CACNA2D2: variants seen among roughly 807,000 people sequenced by gnomAD.
CACNA2D2 encodes the protein voltage-dependent calcium channel subunit alpha-2/delta-2.
A neutral mutation model predicts 166.4 loss-of-function variants in CACNA2D2; 48 were observed. That is an observed-to-expected ratio of 0.29 (90% confidence interval 0.23 to 0.37). CACNA2D2 has a LOEUF of 0.37. Ranked by LOEUF, CACNA2D2 falls within the 10% of genes least tolerant of loss-of-function variation. CACNA2D2 has a pLI of 1.00. For synonymous variants in CACNA2D2, 561 were observed against 573.7 expected, an observed-to-expected ratio of 0.98 and a Z score of 0.32; for missense variants, 1,122 against 1,433.0, an observed-to-expected ratio of 0.78 and a Z score of 3.50.
At chr3:50,437,143 G>A (rs2236974) in intron 2 of CACNA2D2, among the ~76,000 whole-genome samples, 18,302 of 152,114 alleles carry the variant, frequency 0.12, 1,267 homozygotes, top group East Asian at 0.25. Context: ...ATGAGCCCTC[G>A]GGGCCCAGGG....
chr3:50,387,248 A>AGCT (rs1390257889), intron 5 of CACNA2D2, among the ~76,000 whole-genome samples: 6 of 152,150 alleles, frequency 3.9e-5, no homozygotes, highest in Non-Finnish European at 8.8e-5. Flanking sequence ...AAGCCTTCCC[A>AGCT]GCTGCTCCCT....
chr3:50,420,559 G>T (rs1450286767), intron 3 of CACNA2D2, among the ~76,000 whole-genome samples: 1 of 152,220 alleles, frequency 6.6e-6, no homozygotes, highest in Non-Finnish European at 1.5e-5. Flanking sequence ...CATACCCTGT[G>T]CATAGTCCAC....
chr3:50,480,004 T>C (rs1046630501), intron 1 of CACNA2D2, among the ~76,000 whole-genome samples: 3 of 152,162 alleles, frequency 2.0e-5, no homozygotes, highest in African/African-American at 7.2e-5. Context: ...GGGGCTGCAG[T>C]GGCTTAATGA....
chr3:50,477,563 A>G (rs1369360724), intron 1 of CACNA2D2, among the ~76,000 whole-genome samples: 1 of 152,194 alleles, frequency 6.6e-6, no homozygotes, highest in Admixed American at 6.5e-5. Context: ...ACACAGAACC[A>G]CAAAGGTGCT....
chr3:50,415,245 G>A (rs1010333715), intron 3 of CACNA2D2, among the ~76,000 whole-genome samples: 1 of 152,246 alleles, frequency 6.6e-6, no homozygotes, highest in Non-Finnish European at 1.5e-5. Flanking sequence ...CAGAGAAGCA[G>A]TGTCCTGGGT....
At position 50,373,618 on chromosome 3, in the gene CACNA2D2, G is replaced by A. The variant is rs1362787377; in HGVS notation, c.1984+1119C>T. 3.4e-4 allele frequency among the ~76,000 whole-genome samples: 30 copies of A among 87,668 alleles called. 1 individual carries two copies. Among genetic ancestry groups the A allele is most frequent in the Non-Finnish European group, 5.7e-4 (27 of 47,436 alleles). 57.5% of individuals were successfully genotyped at this position (87,668 alleles called of 152,430 possible). On this transcript the variant is annotated intron_variant, in intron 22 of 37. Coordinates refer to ENST00000424201, the MANE Select transcript of CACNA2D2 (RefSeq NM_006030.4). ...AGGGAGTGTGGGGAGTGGGACTGAA[G>A]GGGGGGGGGTGCTGGGGTGGGGAGA... is the stretch of plus-strand genomic sequence containing the variant.
At chr3:50,464,322 C>T (rs2107025299) in intron 2 of CACNA2D2, among the ~76,000 whole-genome samples, 1 of 152,340 alleles carries the variant, frequency 6.6e-6, no homozygotes, top group East Asian at 1.9e-4. Context: ...TTGCCTAGGG[C>T]ATCTAAGGCT....
chr3:50,488,467 T>C (rs1698383854), intron 1 of CACNA2D2, among the ~76,000 whole-genome samples: 3 of 152,068 alleles, frequency 2.0e-5, no homozygotes, highest in Admixed American at 6.5e-5. Context: ...ATCCTGACAC[T>C]GCCCTGTACT....
intron 3 of CACNA2D2, among the ~76,000 whole-genome samples, chr3:50,410,070 T>C (rs1480873873): frequency 1.3e-5 from 2 of 152,198 alleles, no homozygotes; most frequent in East Asian, 3.9e-4. Flanking sequence ...AGAACCCTCT[T>C]CTACCTGTGG....
Position 50,364,318 on chromosome 3 carries a change from C to T in CACNA2D2, c.*348G>A, listed in dbSNP as rs907697129. On this transcript the variant is annotated 3_prime_UTR_variant, in exon 38 of 38. Coordinates refer to ENST00000424201, the MANE Select transcript of CACNA2D2 (RefSeq NM_006030.4). ...GGCCGGGTCAGCTGAGGCAGGGTCC[C>T]CCCCAACATAGGCAGCCTCCAGGAA... 5.4e-5 allele frequency: 16 copies of T among 298,952 alleles called. No individual in the cohort carries two copies. The highest frequency in any genetic ancestry group is 1.8e-4 in the East Asian group (3 of 16,866). The allele number at this position is 298,952 out of a possible 1,614,324, so 18.5% of individuals were successfully genotyped here. A position where few individuals can be genotyped will look rare whatever the true frequency, so the allele number is the denominator to read the frequency against.
At chr3:50,444,739 A>G (rs565791627) in intron 2 of CACNA2D2, among the ~76,000 whole-genome samples, 2 of 152,354 alleles carry the variant, frequency 1.3e-5, no homozygotes, top group African/African-American at 4.8e-5. Context: ...TCTTGTGAAA[A>G]CATGAGATCT....
intron 2 of CACNA2D2, among the ~76,000 whole-genome samples, chr3:50,470,865 C>T (rs934755091): frequency 4.6e-5 from 7 of 152,226 alleles, no homozygotes; most frequent in African/African-American, 1.4e-4. Context: ...GCTCGAGCAG[C>T]GGCCTCACCA....
chr3:50,366,427 G>T lies in CACNA2D2; in HGVS notation c.2638-89C>A. The T allele has an allele frequency of 1.4e-6, 2 of 1,476,286 alleles. No homozygotes were observed. The highest frequency in any genetic ancestry group is 1.9e-6 in the Non-Finnish European group (2 of 1,055,480). The allele number at this position is 1,476,286 out of a possible 1,614,324, so 91.4% of individuals were successfully genotyped here. ...CAGTCCAGTGGTTCAGAGTTGGGGG[G>T]CATCACTCCCCCAGTCCTGGGAAGG... is the stretch of plus-strand genomic sequence containing the variant. On this transcript the variant is annotated intron_variant, in intron 30 of 37. Transcript: ENST00000424201. This position sits in a 1 kb window ranked among gnomAD's most constrained non-coding sequence, Gnocchi z 5.9.
intron 1 of CACNA2D2, among the ~76,000 whole-genome samples, chr3:50,478,279 C>T (rs1483228027): frequency 5.9e-5 from 9 of 152,188 alleles, no homozygotes; most frequent in Admixed American, 1.3e-4. Context: ...GACCCCTGGC[C>T]CCTGTCCACC....
chr3:50,410,485 G>T (rs530108717), intron 3 of CACNA2D2, among the ~76,000 whole-genome samples: 7 of 152,138 alleles, frequency 4.6e-5, no homozygotes, highest in East Asian at 1.9e-4. Flanking sequence ...TGGGATGGGG[G>T]GGGGGGTGTT....
intron 3 of CACNA2D2, among the ~76,000 whole-genome samples, chr3:50,424,802 A>C (rs933999772): frequency 6.6e-6 from 1 of 152,156 alleles, no homozygotes; most frequent in African/African-American, 2.4e-5. Flanking sequence ...CTCTTCCAGG[A>C]AAACCTCAGG....
intron 5 of CACNA2D2, among the ~76,000 whole-genome samples, chr3:50,385,961 T>C (rs1391064613): frequency 6.6e-6 from 1 of 152,178 alleles, no homozygotes; most frequent in Non-Finnish European, 1.5e-5. Context: ...CTTCCTTCCT[T>C]TTCTTTCCCC....
Position 50,370,310 on chromosome 3 carries a change from C to T in CACNA2D2, c.2045+10G>A, listed in dbSNP as rs371372561. ...GGGAGGACACCTCAGCAAGGCCACA[C>T]GCAAGCTACCTGGGAGCAATGAAAA... On this transcript the variant is annotated intron_variant, in intron 23 of 37. Transcript: ENST00000424201. 70 of 1,575,614 alleles carry T rather than the reference C, an allele frequency of 4.4e-5. 1 individual carries two copies. The highest frequency in any genetic ancestry group is 1.9e-4 in the South Asian group (16 of 85,892).
intron 2 of CACNA2D2, among the ~76,000 whole-genome samples, chr3:50,449,601 A>G (rs962632560): frequency 2.6e-5 from 4 of 152,186 alleles, no homozygotes; most frequent in Non-Finnish European, 5.9e-5. Context: ...AGCCATACAA[A>G]AACAAGCCCA....
Sources: gnomAD v4.1 joint callset for allele counts (sites outside exome capture counted in the v4.1 genomes callset) on GRCh38, gnomAD v4.1.1 for gene constraint, Gnocchi (gnomAD v3.1) non-coding constraint, MANE v1.5 for transcripts, NCBI Gene and HGNC (gene_info 2026-07-23, HGNC 2026-07-21) for gene names.